The following CDH9 variants were observed in gnomAD, a reference collection of about 807,000 sequenced individuals.
The protein encoded by CDH9 is cadherin-9.
A neutral mutation model predicts 70.9 loss-of-function variants in CDH9; 28 were observed. The ratio of observed to expected loss-of-function variants is 0.40; its 90% CI spans 0.29 to 0.54. The LOEUF (loss-of-function observed/expected upper bound fraction) is 0.54. Among genes scored for constraint, CDH9 ranks in the 20% least tolerant of loss-of-function variants. The pLI is 0.59. For missense variants in CDH9, 874 were observed against 984.4 expected (o/e 0.89, Z 1.50); for synonymous variants, 409 against 343.1 (o/e 1.19, Z -2.12).
At chr5:26,952,458 C>CAAAAAAA (rs766973787) in intron 2 of CDH9, among the ~76,000 whole-genome samples, 10 of 9,960 alleles carry the variant, frequency 1.0e-3, no homozygotes, top group Non-Finnish European at 2.1e-3. Flanking sequence ...ACTAAAAATA[C>CAAAAAAA]AAAAAAAAAA....
At chr5:27,016,818 T>C (rs1341665056) in intron 1 of CDH9, among the ~76,000 whole-genome samples, 1 of 151,860 alleles carries the variant, frequency 6.6e-6, no homozygotes. Flanking sequence ...AAAGAGCACG[T>C]TGTTTCTTGA....
chr5:26,994,423 C>T (rs911220839), intron 1 of CDH9, among the ~76,000 whole-genome samples: 2 of 151,992 alleles, frequency 1.3e-5, no homozygotes, highest in South Asian at 2.1e-4. Context: ...TTAGGAGATA[C>T]CAAGGTTAGA....
At chr5:27,013,271 T>A (rs1019577266) in intron 1 of CDH9, among the ~76,000 whole-genome samples, 5 of 152,018 alleles carry the variant, frequency 3.3e-5, no homozygotes, top group Non-Finnish European at 7.4e-5. Flanking sequence ...TTTCTTTTCC[T>A]GACTTCTGCA....
rs146112141 is a variant in CDH9 at position 27,022,938 on chromosome 5, CTTTTT to C, written c.-50+15520_-50+15524del. Among the ~76,000 whole-genome samples, 1,458 of 148,648 alleles carry C rather than the reference CTTTTT, an allele frequency of 9.8e-3. 25 individuals are homozygous for C. Among genetic ancestry groups the C allele is most frequent in the African/African-American group, 0.034 (1,387 of 40,736 alleles). ...AAGTAGTTCAGTTATTTGTATTGTT[CTTTTT>C]TTTTTATTTTCCTTATAGGATGGAA... On this transcript the variant is annotated intron_variant, in intron 1 of 11. Coordinates refer to ENST00000231021, the MANE Select transcript of CDH9 (RefSeq NM_016279.4).
At chr5:26,910,112 C>T (rs984044846) in intron 3 of CDH9, among the ~76,000 whole-genome samples, 1 of 152,002 alleles carries the variant, frequency 6.6e-6, no homozygotes, top group Non-Finnish European at 1.5e-5. Flanking sequence ...AAACATCCCT[C>T]TATATATTTG....
In CDH9 at chr5:27,031,694, G is replaced by A. The variant is rs1002585452; in HGVS notation, c.-50+6769C>T. On this transcript the variant is annotated intron_variant, in intron 1 of 11. Coordinates refer to ENST00000231021, the MANE Select transcript of CDH9 (RefSeq NM_016279.4). ...TATCTGTCAACTAGCAAACTTGCAT[G>A]CCTAATAGGTCTGGAAGGAGCAAAA... 2.6e-5 allele frequency among the ~76,000 whole-genome samples: 4 copies of A among 151,872 alleles called. No individual in the cohort carries two copies. In the South Asian group the frequency reaches 6.2e-4, roughly 24 times the overall value.
intron 3 of CDH9, among the ~76,000 whole-genome samples, chr5:26,914,683 G>T (rs889656320): frequency 6.6e-6 from 1 of 151,948 alleles, no homozygotes; most frequent in African/African-American, 2.4e-5. Flanking sequence ...TAAACATTCA[G>T]TAAAGGTGGA....
At chr5:27,033,324 G>T (rs1420187407) in intron 1 of CDH9, among the ~76,000 whole-genome samples, 1 of 150,972 alleles carries the variant, frequency 6.6e-6, no homozygotes, top group African/African-American at 2.4e-5. Context: ...CACAATTTTT[G>T]AATTAATTCA....
At chr5:26,983,417 A>G (rs1351745581) in intron 2 of CDH9, among the ~76,000 whole-genome samples, 1 of 152,206 alleles carries the variant, frequency 6.6e-6, no homozygotes, top group Non-Finnish European at 1.5e-5. Context: ...AAGTATAAAT[A>G]AAGTCAAGGA....
At chr5:27,037,088 A>T (rs1444884059) in intron 1 of CDH9, among the ~76,000 whole-genome samples, 1 of 151,988 alleles carries the variant, frequency 6.6e-6, no homozygotes, top group East Asian at 1.9e-4. Flanking sequence ...TGCAGAATGT[A>T]GGAGGAGGTT....
At chr5:26,991,788 A>C (rs1394750110) in intron 1 of CDH9, among the ~76,000 whole-genome samples, 1 of 152,146 alleles carries the variant, frequency 6.6e-6, no homozygotes, top group Non-Finnish European at 1.5e-5. Flanking sequence ...TGACTGAGTG[A>C]TTTCTTGAGT....
intron 1 of CDH9, among the ~76,000 whole-genome samples, chr5:27,003,034 G>T (rs1473556142): frequency 3.3e-5 from 5 of 152,010 alleles, no homozygotes; most frequent in Non-Finnish European, 7.4e-5. Flanking sequence ...TAAATAAAAT[G>T]CTTCAGAACA....
chr5:26,902,418 G>A (rs986786056), intron 7 of CDH9, 58 bp downstream of exon 7: 4 of 1,196,886 alleles, frequency 3.3e-6, no homozygotes, highest in Non-Finnish European at 3.6e-6. Context: ...CACACAGTTT[G>A]TAAATAGTGA....
rs1325480847 is a variant in CDH9 at position 26,880,597 on chromosome 5, T to C, written c.*539A>G. 6.6e-6 allele frequency: 1 copy of C among 152,232 alleles called. No individual in the cohort carries two copies. Among genetic ancestry groups the C allele is most frequent in the African/African-American group, 2.4e-5 (1 of 41,414 alleles). The allele number at this position is 152,232 out of a possible 1,614,324, so 9.4% of individuals were successfully genotyped here. A position where few individuals can be genotyped will look rare whatever the true frequency, so the allele number is the denominator to read the frequency against. ...CCTCTAGGAATTAAATAAAATGAAATGTGTTTTATAAATACTAGTTTATTT... is the reference window on the plus strand; with the variant it reads ...CCTCTAGGAATTAAATAAAATGAAACGTGTTTTATAAATACTAGTTTATTT... On this transcript the variant is annotated 3_prime_UTR_variant, in exon 12 of 12. Transcript: ENST00000231021.
chr5:26,944,468 T>C (rs1020781212), intron 2 of CDH9, among the ~76,000 whole-genome samples: 1 of 151,944 alleles, frequency 6.6e-6, no homozygotes, highest in African/African-American at 2.4e-5. Flanking sequence ...CTGGAAAACA[T>C]AGAAGACCCC....
Position 27,034,033 on chromosome 5 carries a change from G to A in CDH9, c.-50+4430C>T, listed in dbSNP as rs3811937. Among the ~76,000 whole-genome samples, 3 of 151,616 alleles carry A rather than the reference G, an allele frequency of 2.0e-5. No individual in the cohort carries two copies. In the East Asian group the frequency reaches 5.8e-4, roughly 30 times the overall value. On this transcript the variant is annotated intron_variant, in intron 1 of 11. Transcript: ENST00000231021. ...CCAAAGATGTTCTTTTACTAAATAT[G>A]AGGAAAAAGCTTATTACACTTTGGA...
intron 2 of CDH9, among the ~76,000 whole-genome samples, chr5:26,962,720 T>C (rs766614674): frequency 6.6e-6 from 1 of 152,176 alleles, no homozygotes; most frequent in African/African-American, 2.4e-5. Context: ...GACAGTCTTC[T>C]GTCACTGTAG....
chr5:26,944,750 A>G (rs893497209), intron 2 of CDH9, among the ~76,000 whole-genome samples: 5 of 94,664 alleles, frequency 5.3e-5, no homozygotes, highest in African/African-American at 8.0e-5. Flanking sequence ...ATATATCAGT[A>G]TTTTTAAATC....
At chr5:26,949,927 G>A (rs1327085426) in intron 2 of CDH9, among the ~76,000 whole-genome samples, 2 of 152,216 alleles carry the variant, frequency 1.3e-5, no homozygotes, top group Non-Finnish European at 2.9e-5. Flanking sequence ...AAGGTTATGA[G>A]ATATCATAAT....
Sources: gnomAD v4.1 joint callset for allele counts (sites outside exome capture counted in the v4.1 genomes callset) on GRCh38, gnomAD v4.1.1 for gene constraint, MANE v1.5 for transcripts, NCBI Gene and HGNC (gene_info 2026-07-23, HGNC 2026-07-21) for gene names.